DNAJB4: variants seen among roughly 807,000 people sequenced by gnomAD.
DNAJB4 encodes the protein dnaJ homolog subfamily B member 4.
DNAJB4 carries 10 observed loss-of-function variants against 26.6 expected under a neutral mutation model. The ratio of observed to expected loss-of-function variants is 0.38; its 90% CI spans 0.23 to 0.64. The LOEUF is 0.64. DNAJB4 is among the 30% of genes least tolerant of loss of function. The pLI is 0.58. For synonymous variants in DNAJB4, 136 were observed against 134.8 expected (o/e 1.01, Z -0.06); for missense variants, 328 against 408.2 (o/e 0.80, Z 1.69).
chr1:78,011,111 T>A (rs557571035), intron 1 of DNAJB4, among the ~76,000 whole-genome samples: 9 of 152,332 alleles, frequency 5.9e-5, no homozygotes, highest in Middle Eastern at 3.4e-3. Flanking sequence ...ATCACCATAC[T>A]GTTGTTTTTT....
intron 1 of DNAJB4, chr1:77,980,398 C>G (rs1310898247): frequency 6.8e-6 from 1 of 146,034 alleles, no homozygotes; most frequent in Non-Finnish European, 1.5e-5. Context: ...ATGTTATGTA[C>G]TTCAGTTACC....
At chr1:78,002,491 A>G (rs901783910), upstream of DNAJB4, among the ~76,000 whole-genome samples, 1 of 152,198 alleles carries the variant, frequency 6.6e-6, no homozygotes, top group Non-Finnish European at 1.5e-5. Flanking sequence ...TATTTCATCT[A>G]TTTGCAATGG....
intron 1 of DNAJB4, among the ~76,000 whole-genome samples, chr1:77,994,775 G>A (rs1660021924): frequency 6.6e-6 from 1 of 152,088 alleles, no homozygotes; most frequent in East Asian, 1.9e-4. Flanking sequence ...CTGAGCATGT[G>A]TAAATACATT....
chr1:77,987,973 C>T (rs1285534477), intron 1 of DNAJB4, among the ~76,000 whole-genome samples: 2 of 145,908 alleles, frequency 1.4e-5, no homozygotes, highest in East Asian at 3.9e-4. Flanking sequence ...TATATGCATA[C>T]ATTATATATA....
intron 1 of DNAJB4, among the ~76,000 whole-genome samples, chr1:77,991,529 T>C (rs1462739570): frequency 6.6e-6 from 1 of 152,102 alleles, no homozygotes; most frequent in African/African-American, 2.4e-5. Flanking sequence ...GAAGGATTGC[T>C]TGAGGCCAGG....
intron 1 of DNAJB4, among the ~76,000 whole-genome samples, chr1:77,988,414 A>G (rs1659851389): frequency 6.6e-6 from 1 of 152,120 alleles, no homozygotes; most frequent in South Asian, 2.1e-4. Flanking sequence ...CTCCAATGGC[A>G]TTGTATCTTC....
chr1:78,015,531 TTTTC>T (rs1164236768), intron 2 of DNAJB4, among the ~76,000 whole-genome samples: 53 of 149,352 alleles, frequency 3.5e-4, no homozygotes, highest in East Asian at 2.0e-3. Context: ...TTCTTTTTCT[TTTTC>T]TTTCTTTCTT....
upstream of DNAJB4, chr1:78,004,484 C>A (rs562579478): frequency 6.6e-6 from 1 of 152,110 alleles, no homozygotes; most frequent in South Asian, 2.1e-4. Flanking sequence ...ACTTGGAAAT[C>A]CTAATTTAAA....
rs976278412 is a variant in DNAJB4, at chr1:78,017,489, T to C, written c.*1242T>C. 10 of 152,110 alleles carry C rather than the reference T, an allele frequency of 6.6e-5. No individual in the cohort carries two copies. Among genetic ancestry groups the C allele is most frequent in the African/African-American group, 2.4e-4 (10 of 41,558 alleles). 9.4% of individuals were successfully genotyped at this position (152,110 alleles called of 1,614,324 possible). ...TATAAATAGGTTATAATAGCCATATTCTTTATTACTTTATTGAGATATAAT... is the reference window on the plus strand; with the variant it reads ...TATAAATAGGTTATAATAGCCATATCCTTTATTACTTTATTGAGATATAAT... On this transcript the variant is annotated 3_prime_UTR_variant, in exon 3 of 3. Coordinates refer to ENST00000370763, the MANE Select transcript of DNAJB4 (RefSeq NM_007034.5).
upstream of DNAJB4, chr1:77,979,583 C>G (rs1461408090): frequency 6.5e-6 from 1 of 154,276 alleles, no homozygotes; most frequent in Non-Finnish European, 1.4e-5. Context: ...CTGAAAACGT[C>G]TGCCCGGCGT....
upstream of DNAJB4, among the ~76,000 whole-genome samples, chr1:77,979,878 GTTTT>G (rs111247352): frequency 1.3e-5 from 2 of 149,668 alleles, no homozygotes; most frequent in African/African-American, 5.0e-5. Flanking sequence ...TTTATTAAGG[GTTTT>G]TTTTTGTTTG....
chr1:78,010,923 T>C (rs905789557), intron 1 of DNAJB4, among the ~76,000 whole-genome samples: 2 of 152,250 alleles, frequency 1.3e-5, no homozygotes, highest in African/African-American at 4.8e-5. Context: ...CATGAATACC[T>C]ACCATTTTCA....
intron 1 of DNAJB4, among the ~76,000 whole-genome samples, chr1:78,007,330 C>G (rs1660353888): frequency 6.6e-6 from 1 of 152,120 alleles, no homozygotes; most frequent in East Asian, 1.9e-4. Context: ...GCCTGTAATT[C>G]CAACACTTTG....
At chr1:77,987,695 C>T (rs920336055) in intron 1 of DNAJB4, among the ~76,000 whole-genome samples, 2 of 152,094 alleles carry the variant, frequency 1.3e-5, no homozygotes, top group South Asian at 2.1e-4. Flanking sequence ...TTTTTCCTCA[C>T]ATTCCCTGTT....
intron 1 of DNAJB4, among the ~76,000 whole-genome samples, chr1:78,010,966 T>C (rs1660456330): frequency 6.6e-6 from 1 of 152,202 alleles, no homozygotes; most frequent in African/African-American, 2.4e-5. Flanking sequence ...AAAATAAATA[T>C]ATTTCCTGCC....
chr1:78,013,641 T>G, intron 2 of DNAJB4, 22 bp downstream of exon 2: 1 of 1,512,018 alleles, frequency 6.6e-7, no homozygotes, highest in South Asian at 1.3e-5. Flanking sequence ...GGACCTAAAA[T>G]CCTAAGACCA....
intron 1 of DNAJB4, among the ~76,000 whole-genome samples, chr1:77,984,526 C>T (rs1659746861): frequency 6.6e-6 from 1 of 152,160 alleles, no homozygotes; most frequent in East Asian, 1.9e-4. Flanking sequence ...CCCTTTTACA[C>T]AAAACATATT....
chr1:78,014,027 TA>T (rs1235369833), intron 2 of DNAJB4, among the ~76,000 whole-genome samples: 28 of 151,916 alleles, frequency 1.8e-4, no homozygotes, highest in South Asian at 1.2e-3. Context: ...TTTATATTAA[TA>T]AAAAATACAT....
chr1:78,007,871 C>T (rs1387064818), intron 1 of DNAJB4, among the ~76,000 whole-genome samples: 1 of 152,168 alleles, frequency 6.6e-6, no homozygotes, highest in African/African-American at 2.4e-5. Context: ...TGGTATCCTT[C>T]TTCCCGCTCC....
Sources: gnomAD v4.1 joint callset for allele counts (sites outside exome capture counted in the v4.1 genomes callset) on GRCh38, gnomAD v4.1.1 for gene constraint, MANE v1.5 for transcripts, NCBI Gene and HGNC (gene_info 2026-07-23, HGNC 2026-07-21) for gene names.